Variants in PALM2AKAP2 observed in about 807,000 individuals in gnomAD.
PALM2AKAP2 encodes PALM2 and AKAP2 fusion.
A neutral mutation model predicts 71.5 loss-of-function variants in PALM2AKAP2; 37 were observed. That is an observed-to-expected ratio of 0.52 (90% CI 0.40 to 0.68). PALM2AKAP2 has a LOEUF of 0.68. PALM2AKAP2 is among the 30% of genes least tolerant of loss of function. The probability of loss-of-function intolerance (pLI) is 0.00; values close to 1 mark genes in which losing one functional copy is unlikely to be tolerated. For synonymous variants in PALM2AKAP2, 468 were observed against 478.8 expected (o/e 0.98, Z 0.29); for missense variants, 1,224 against 1,191.8 (o/e 1.03, Z -0.40).
chr9:109,993,767 CCT>C (rs1383516802), intron 6 of PALM2AKAP2, among the ~76,000 whole-genome samples: 2 of 150,692 alleles, frequency 1.3e-5, no homozygotes, highest in Non-Finnish European at 3.0e-5. Flanking sequence ...TCTCTCCTTT[CCT>C]CTCTCTCTCC....
chr9:109,925,124 C>T (rs755993017), intron 5 of PALM2AKAP2, 42 bp downstream of exon 5: 1 of 1,613,474 alleles, frequency 6.2e-7, no homozygotes, highest in Non-Finnish European at 8.5e-7. Flanking sequence ...TGTTTTAATC[C>T]TGGTCAGCTT....
intron 1 of PALM2AKAP2, among the ~76,000 whole-genome samples, chr9:109,846,736 C>T (rs1828868717): frequency 6.6e-6 from 1 of 152,208 alleles, no homozygotes; most frequent in Non-Finnish European, 1.5e-5. Flanking sequence ...TGAGAATCCA[C>T]TTGCTTTATC....
intron 1 of PALM2AKAP2, among the ~76,000 whole-genome samples, chr9:110,117,785 CTG>C (rs1430137840): frequency 1.3e-5 from 2 of 152,018 alleles, no homozygotes; most frequent in Non-Finnish European, 2.9e-5. Context: ...TCTCTCAACA[CTG>C]TTGTATTTGG....
rs368836740 is a variant in PALM2AKAP2 at position 110,060,863 on chromosome 9, G to T, written c.156+12008G>T. Among the ~76,000 whole-genome samples the T allele has an allele frequency of 1.6e-3, 238 of 152,288 alleles. 3 individuals carry two copies. The South Asian group carries it at 0.045, about 29-fold the overall frequency. On this transcript the variant is annotated intron_variant, in intron 1 of 3. Transcript: ENST00000374525. ...GATCCACCCGCCTCAGCCTCCCAAA[G>T]TGCTGGGATTACAGCAGGAGTTTTT...
At chr9:109,745,527 T>C (rs1368410639) in intron 1 of PALM2AKAP2, among the ~76,000 whole-genome samples, 1 of 149,754 alleles carries the variant, frequency 6.7e-6, no homozygotes. Flanking sequence ...GGAATAGGCA[T>C]GAATTTACCA....
At chr9:109,758,507 C>A (rs1829000728) in intron 1 of PALM2AKAP2, among the ~76,000 whole-genome samples, 1 of 148,430 alleles carries the variant, frequency 6.7e-6, no homozygotes, top group Admixed American at 6.8e-5. Flanking sequence ...TTTGCCAGCC[C>A]AATGCATACA....
intron 3 of PALM2AKAP2, among the ~76,000 whole-genome samples, chr9:109,917,484 CTTT>C (rs59106508): frequency 2.7e-5 from 3 of 111,430 alleles, no homozygotes; most frequent in Non-Finnish European, 1.8e-5. Flanking sequence ...CGCTCCTTTC[CTTT>C]TTTTTTTTTT....
At chr9:109,941,422 G>C (rs1831363925) in intron 6 of PALM2AKAP2, among the ~76,000 whole-genome samples, 1 of 152,206 alleles carries the variant, frequency 6.6e-6, no homozygotes, top group African/African-American at 2.4e-5. Flanking sequence ...ATGATTTACT[G>C]TCAGTGAGTG....
chr9:110,089,552 T>G (rs1475495166), intron 1 of PALM2AKAP2, among the ~76,000 whole-genome samples: 3 of 152,176 alleles, frequency 2.0e-5, no homozygotes. Flanking sequence ...GACAGGACAA[T>G]GTTTAAAAAA....
At chr9:109,942,740 A>G (rs779270621) in intron 6 of PALM2AKAP2, 14 of 1,611,748 alleles carry the variant, frequency 8.7e-6, no homozygotes, top group Non-Finnish European at 1.2e-5. Context: ...GGAGAGACCA[A>G]GATTCTCTCT....
chr9:109,926,713 A>C (rs1830966064), intron 5 of PALM2AKAP2, among the ~76,000 whole-genome samples: 1 of 151,874 alleles, frequency 6.6e-6, no homozygotes, highest in African/African-American at 2.4e-5. Context: ...TTCCCTTCTC[A>C]AATCAGGAAT....
chr9:109,692,053 C>CT (rs1827905337), intron 1 of PALM2AKAP2, among the ~76,000 whole-genome samples: 2 of 148,178 alleles, frequency 1.3e-5, no homozygotes, highest in South Asian at 2.1e-4. Context: ...AAATTTATCT[C>CT]TAAGTATTTA....
At chr9:109,867,164 C>CTG (rs56194780) in intron 1 of PALM2AKAP2, 4,321 of 398,566 alleles carry the variant, frequency 0.011, 18 homozygotes, top group East Asian at 0.019. Flanking sequence ...ACATGGTTCT[C>CTG]TGTGTGTGTG....
chr9:109,981,558 A>T (rs1832270956), intron 6 of PALM2AKAP2, among the ~76,000 whole-genome samples: 2 of 152,212 alleles, frequency 1.3e-5, no homozygotes, highest in Admixed American at 1.3e-4. Context: ...GCTAATAAGG[A>T]ATTAACACAT....
At chr9:109,795,301 A>G (rs1257021312) in intron 1 of PALM2AKAP2, among the ~76,000 whole-genome samples, 1 of 152,188 alleles carries the variant, frequency 6.6e-6, no homozygotes, top group Non-Finnish European at 1.5e-5. Context: ...ACCTGACCAA[A>G]TGTACTTCCC....
chr9:110,018,616 C>T (rs1833021749), intron 7 of PALM2AKAP2, among the ~76,000 whole-genome samples: 1 of 152,176 alleles, frequency 6.6e-6, no homozygotes, highest in East Asian at 1.9e-4. Flanking sequence ...CAGGTGTAAG[C>T]CTCTCCACCC....
At position 110,124,917 on chromosome 9, in the gene PALM2AKAP2, G is replaced by A. The variant is rs576881875; in HGVS notation, c.157-11210G>A. On this transcript the variant is annotated intron_variant, in intron 1 of 3. Transcript: ENST00000374525. ...GGCACAGAATTGCATTTACTGTCTG[G>A]TCTCAATGATATTAAATATGTATTT... is the stretch of plus-strand genomic sequence containing the variant. 3.3e-4 allele frequency among the ~76,000 whole-genome samples: 51 copies of A among 152,256 alleles called. 1 individual carries two copies. In the South Asian group the frequency reaches 6.8e-3, roughly 20 times the overall value.
intron 1 of PALM2AKAP2, among the ~76,000 whole-genome samples, chr9:110,105,151 TAA>T (rs890981061): frequency 8.5e-5 from 13 of 152,374 alleles, no homozygotes; most frequent in Non-Finnish European, 1.5e-4. Flanking sequence ...GTTAGTTTTC[TAA>T]AGAGTTTTAC....
intron 2 of PALM2AKAP2, among the ~76,000 whole-genome samples, chr9:109,872,460 A>G (rs1829624108): frequency 1.3e-5 from 2 of 152,174 alleles, no homozygotes. Context: ...TGTCATATTT[A>G]CAAAGGTTTG....
Sources: gnomAD v4.1 joint callset for allele counts (sites outside exome capture counted in the v4.1 genomes callset) on GRCh38, gnomAD v4.1.1 for gene constraint, MANE v1.5 for transcripts, NCBI Gene and HGNC (gene_info 2026-07-23, HGNC 2026-07-21) for gene names.